The following SLC14A2 variants were observed in gnomAD, a reference collection of about 807,000 sequenced individuals.
SLC14A2 encodes the protein solute carrier family 14 member 2.
In SLC14A2, 91 loss-of-function variants were observed where a neutral mutation model predicts 104.6. The observed-to-expected ratio is 0.87, with a 90% CI of 0.73 to 1.04. SLC14A2 has a LOEUF of 1.04. Among genes scored for constraint, SLC14A2 ranks in the 50% least tolerant of loss-of-function variants. The pLI, the probability that SLC14A2 is intolerant of heterozygous loss-of-function variation, is 0.00. For missense variants in SLC14A2, 1,189 were observed against 1,156.0 expected (o/e 1.03, Z -0.41); for synonymous variants, 476 against 466.4 (o/e 1.02, Z -0.27).
intron 1 of SLC14A2, among the ~76,000 whole-genome samples, chr18:45,393,201 G>A (rs1024755998): frequency 1.3e-5 from 2 of 152,192 alleles, no homozygotes; most frequent in Non-Finnish European, 2.9e-5. Context: ...ATCTAAGAGA[G>A]ATAAAAATAA....
At chr18:45,193,062 T>A in the SLC14A2 span, among the ~76,000 whole-genome samples, 147,060 of 152,254 alleles carry the variant, frequency 0.97, 71,234 homozygotes, top group East Asian at 1. Flanking sequence ...TGTCTGTTTA[T>A]ATCTTTTGCT....
rs966498130 is a variant in SLC14A2 at position 45,258,394 on chromosome 18, A to C, written c.-125+45203A>C. Among the ~76,000 whole-genome samples the C allele has an allele frequency of 1.1e-4, 15 of 142,810 alleles. 1 individual carries two copies. Among genetic ancestry groups the C allele is most frequent in the Admixed American group, 4.8e-4 (7 of 14,676 alleles). The allele number at this position is 142,810 out of a possible 152,430, so 93.7% of individuals were successfully genotyped here. On this transcript the variant is annotated intron_variant, in intron 1 of 20. Transcript: ENST00000586448. ...AAACATTACCAGTATCAGGAGTAGG[A>C]ACATTTGATCAATATTATTATTTCC...
chr18:45,479,777 C>G (rs949170211), intron 1 of SLC14A2, among the ~76,000 whole-genome samples: 6 of 152,192 alleles, frequency 3.9e-5, no homozygotes, highest in Admixed American at 3.9e-4. Context: ...ATGCTGTTCT[C>G]CCCCTGTTTT....
At chr18:45,174,813 G>T in the SLC14A2 span, among the ~76,000 whole-genome samples, 1 of 152,284 alleles carries the variant, frequency 6.6e-6, no homozygotes, top group East Asian at 1.9e-4. Flanking sequence ...GATGGATCAT[G>T]CATATGAACA....
At chr18:45,554,087 C>T (rs536100865) in intron 2 of SLC14A2, among the ~76,000 whole-genome samples, 2 of 152,354 alleles carry the variant, frequency 1.3e-5, no homozygotes, top group African/African-American at 4.8e-5. Context: ...TACAATGCCC[C>T]ACTTCACAGA....
intron 1 of SLC14A2, among the ~76,000 whole-genome samples, chr18:45,323,142 A>G (rs1457607321): frequency 6.6e-6 from 1 of 152,166 alleles, no homozygotes; most frequent in East Asian, 1.9e-4. Context: ...TATGATGGGA[A>G]CCAAGCTAGG....
intron 1 of SLC14A2, among the ~76,000 whole-genome samples, chr18:45,439,223 G>A (rs371379152): frequency 6.6e-6 from 1 of 152,108 alleles, no homozygotes. Flanking sequence ...AGGTTACAGT[G>A]AACTATGGAG....
chr18:45,642,188 C>T lies in SLC14A2; in HGVS notation c.1126+845C>T, dbSNP rs565239414. Among the ~76,000 whole-genome samples the T allele has an allele frequency of 3.9e-5, 6 of 152,354 alleles. No homozygotes were observed. The South Asian group carries it at 1.2e-3, about 32-fold the overall frequency. ...ATAAATAAAACTAGAGTCAAGGAAA[C>T]AGAAGACTAGCGTCTGGAACAGCTT... On this transcript the variant is annotated intron_variant, in intron 8 of 19. Transcript: ENST00000255226.
intron 1 of SLC14A2, among the ~76,000 whole-genome samples, chr18:45,349,974 T>A (rs1056131243): frequency 3.3e-5 from 5 of 152,220 alleles, no homozygotes. Flanking sequence ...ATCAATATTA[T>A]CAACTTTTTA....
rs145932281 is a variant in SLC14A2 at position 45,295,258 on chromosome 18, A to T, written c.-125+82067A>T. ...CAAACTTGTTCCCCATTGTCCGTTC[A>T]CACAGCATCCCCTTAACATGTAATT... On this transcript the variant is annotated intron_variant, in intron 1 of 20. Transcript: ENST00000586448. Among the ~76,000 whole-genome samples the T allele has an allele frequency of 2.5e-3, 373 of 152,182 alleles. 2 individuals are homozygous for T. The highest frequency in any genetic ancestry group is 8.7e-3 in the African/African-American group (362 of 41,510).
chr18:45,637,125 G>A lies in SLC14A2; in HGVS notation c.786G>A (p.Leu262=), dbSNP rs762151365. ...ACAACCTCTTCTTCCCCACAACACT[G>A]GTAGAGCCTGTGTCTTCAGTGCCCA... ...GHYNLFFPTT[L]VEPVSSVPNI... Residue 262 remains leucine (L), a synonymous_variant, in exon 6 of 20, where the codon CTG becomes CTA. Coordinates refer to ENST00000255226, the MANE Select transcript of SLC14A2 (RefSeq NM_007163.4). 1 of 1,614,152 alleles carries A rather than the reference G, an allele frequency of 6.2e-7. No homozygotes were observed. Among genetic ancestry groups the A allele is most frequent in the Non-Finnish European group, 8.5e-7 (1 of 1,180,004 alleles).
intron 5 of SLC14A2, 30 bp from the exon 6 acceptor site, chr18:45,636,960 G>T (rs778671030): frequency 1.3e-6 from 2 of 1,584,322 alleles, no homozygotes; most frequent in Non-Finnish European, 1.7e-6. Flanking sequence ...GATGTCACAG[G>T]GATTAACCCT....
rs538495608 is a variant in SLC14A2 at position 45,600,128 on chromosome 18, G to A, written c.-34-24503G>A. ...TGGGTGCAAAATGAAAATGTAGGGC[G>A]CTTGTTAAAAAAGCAGAGAAAATAA... On this transcript the variant is annotated intron_variant, in intron 2 of 20. Coordinates refer to the SLC14A2 transcript ENST00000586448. 4.1e-4 allele frequency among the ~76,000 whole-genome samples: 62 copies of A among 152,122 alleles called. 1 individual carries two copies. Among genetic ancestry groups the A allele is most frequent in the Admixed American group, 7.9e-4 (12 of 15,270 alleles).
Position 45,501,499 on chromosome 18 carries a change from G to A in SLC14A2, c.-35+18177G>A, listed in dbSNP as rs574169841. On this transcript the variant is annotated intron_variant, in intron 2 of 20. Transcript: ENST00000586448. ...ACAATGCTTTTTGTATAAATGCTTC[G>A]TCTCCCACCTGCATTAGGCTGCATT... Among the ~76,000 whole-genome samples, 11 of 152,208 alleles carry A rather than the reference G, an allele frequency of 7.2e-5. No individual in the cohort carries two copies. The South Asian group carries it at 8.3e-4, about 11-fold the overall frequency.
intron 1 of SLC14A2, among the ~76,000 whole-genome samples, chr18:45,388,952 A>G (rs2085931337): frequency 6.6e-6 from 1 of 152,228 alleles, no homozygotes; most frequent in African/African-American, 2.4e-5. Context: ...TAAATAAGGG[A>G]AAATAGAAGT....
intron 1 of SLC14A2, among the ~76,000 whole-genome samples, chr18:45,414,751 A>ATATAT (rs1568189973): frequency 7.1e-5 from 5 of 70,890 alleles, no homozygotes; most frequent in African/African-American, 2.3e-4. Context: ...GCGTAAAAAA[A>ATATAT]AAAAAAATAT....
intron 2 of SLC14A2, among the ~76,000 whole-genome samples, chr18:45,505,540 T>C (rs1232553871): frequency 6.6e-6 from 1 of 152,146 alleles, no homozygotes; most frequent in Non-Finnish European, 1.5e-5. Context: ...GAGTTTTCCC[T>C]GCATCCCCAC....
upstream of SLC14A2, among the ~76,000 whole-genome samples, chr18:45,210,974 A>T (rs2083956514): frequency 6.6e-6 from 1 of 152,320 alleles, no homozygotes; most frequent in Admixed American, 6.5e-5. Flanking sequence ...AATGACAAAA[A>T]TCTTAGGAAA....
chr18:45,186,581 G>A, the SLC14A2 span, among the ~76,000 whole-genome samples: 1 of 152,176 alleles, frequency 6.6e-6, no homozygotes, highest in African/African-American at 2.4e-5. Context: ...TACAAGAATA[G>A]CTGGACAAAC....
Sources: gnomAD v4.1 joint callset for allele counts (sites outside exome capture counted in the v4.1 genomes callset) on GRCh38, gnomAD v4.1.1 for gene constraint, MANE v1.5 for transcripts, NCBI Gene and HGNC (gene_info 2026-07-23, HGNC 2026-07-21) for gene names.